The following GRIN2A variants were observed in gnomAD, a reference collection of about 807,000 sequenced individuals.
The protein encoded by GRIN2A is glutamate ionotropic receptor NMDA type subunit 2A.
In GRIN2A, 22 loss-of-function variants were observed where a neutral mutation model predicts 113.4. The observed-to-expected ratio is 0.19, with a 90% confidence interval of 0.14 to 0.28. The LOEUF (loss-of-function observed/expected upper bound fraction) is 0.28, where lower values mean the gene tolerates loss of function less well. Among genes scored for constraint, GRIN2A ranks in the 10% least tolerant of loss-of-function variants. The probability of loss-of-function intolerance (pLI) is 1.00; values close to 1 mark genes in which losing one functional copy is unlikely to be tolerated. For synonymous variants in GRIN2A, 827 were observed against 738.4 expected, an observed-to-expected ratio of 1.12 and a Z score of -1.94; for missense variants, 1,502 against 1,887.0, an observed-to-expected ratio of 0.80 and a Z score of 3.78.
At chr16:10,091,830 GAC>G (rs1238582581) in intron 2 of GRIN2A, among the ~76,000 whole-genome samples, 3 of 152,156 alleles carry the variant, frequency 2.0e-5, no homozygotes, top group African/African-American at 7.2e-5. Context: ...AATCTATAGA[GAC>G]AGAAAGTGGA....
At chr16:9,957,076 G>C (rs567662749) in intron 2 of GRIN2A, among the ~76,000 whole-genome samples, 37 of 152,126 alleles carry the variant, frequency 2.4e-4, no homozygotes, top group Admixed American at 2.4e-3. Flanking sequence ...CTGCTAATCA[G>C]AGAAAAGGTG....
intron 3 of GRIN2A, among the ~76,000 whole-genome samples, chr16:9,934,678 TAAAA>T (rs33916243): frequency 7.9e-5 from 4 of 50,938 alleles, no homozygotes; most frequent in Admixed American, 2.9e-4. Flanking sequence ...AGACTCTGTC[TAAAA>T]AAAAAAAAAA....
At chr16:10,075,119 A>C (rs1048518084) in intron 2 of GRIN2A, among the ~76,000 whole-genome samples, 1 of 152,096 alleles carries the variant, frequency 6.6e-6, no homozygotes, top group South Asian at 2.1e-4. Flanking sequence ...GGGACTTTGC[A>C]TGGGTCCTCT....
At position 9,986,953 on chromosome 16, in the gene GRIN2A, T is replaced by G. The variant is rs551267830; in HGVS notation, c.415-48402A>C. Among the ~76,000 whole-genome samples, 188 of 152,256 alleles carry G rather than the reference T, an allele frequency of 1.2e-3. 1 individual carries two copies. The highest frequency in any genetic ancestry group is 4.1e-3 in the African/African-American group (172 of 41,546). ...AAAATCACCCTAATGAGCTTTTCAG[T>G]GTGCATATACCCGAGTTTCCTTCCA... On this transcript the variant is annotated intron_variant, in intron 2 of 12. Coordinates refer to ENST00000330684, the MANE Select transcript of GRIN2A (RefSeq NM_001134407.3).
chr16:9,786,380 C>A (rs1031558608), intron 11 of GRIN2A, among the ~76,000 whole-genome samples: 1 of 152,150 alleles, frequency 6.6e-6, no homozygotes, highest in African/African-American at 2.4e-5. Flanking sequence ...TTAGGCTGGG[C>A]CTGCTCCCAC....
chr16:9,955,712 G>A (rs2045291148), intron 2 of GRIN2A, among the ~76,000 whole-genome samples: 1 of 152,186 alleles, frequency 6.6e-6, no homozygotes, highest in Non-Finnish European at 1.5e-5. Flanking sequence ...CACTGTAGAA[G>A]CCTAATTCCA....
At chr16:9,974,241 C>G (rs1447020195) in intron 2 of GRIN2A, among the ~76,000 whole-genome samples, 1 of 152,164 alleles carries the variant, frequency 6.6e-6, no homozygotes, top group Non-Finnish European at 1.5e-5. Flanking sequence ...GGCAGTTAGC[C>G]TGGTGCCTAG....
intron 2 of GRIN2A, among the ~76,000 whole-genome samples, chr16:10,086,657 A>G (rs985159452): frequency 7.9e-5 from 12 of 151,802 alleles, no homozygotes; most frequent in Non-Finnish European, 1.8e-4. Flanking sequence ...CTGGCTACAT[A>G]TCTACCTGGG....
intron 10 of GRIN2A, among the ~76,000 whole-genome samples, chr16:9,818,750 A>ACATTG (rs2141286589): frequency 6.6e-6 from 1 of 152,368 alleles, no homozygotes; most frequent in South Asian, 2.1e-4. Flanking sequence ...GATTAATTAC[A>ACATTG]CATTGTATTG....
chr16:9,997,278 C>G (rs1320323582), intron 2 of GRIN2A, among the ~76,000 whole-genome samples: 1 of 152,140 alleles, frequency 6.6e-6, no homozygotes, highest in Non-Finnish European at 1.5e-5. Flanking sequence ...TCTAAAAGCT[C>G]TCACCATTCA....
intron 4 of GRIN2A, among the ~76,000 whole-genome samples, chr16:9,886,097 G>T (rs561222180): frequency 6.6e-6 from 1 of 152,186 alleles, no homozygotes; most frequent in African/African-American, 2.4e-5. Context: ...AAATTCACAG[G>T]TGTGAGTCAA....
chr16:9,789,600 ATAAAT>A (rs1321817995), intron 11 of GRIN2A, among the ~76,000 whole-genome samples: 4 of 151,890 alleles, frequency 2.6e-5, no homozygotes, highest in African/African-American at 4.8e-5. Context: ...AAACACATAA[ATAAAT>A]TAAGGAGGAC....
rs139354505 is a variant in GRIN2A at position 9,886,127 on chromosome 16, A to G, written c.1122+4859T>C. Among the ~76,000 whole-genome samples, 1,170 of 152,334 alleles carry G rather than the reference A, an allele frequency of 7.7e-3. 15 individuals are homozygous for G. The highest frequency in any genetic ancestry group is 0.026 in the African/African-American group (1,088 of 41,562). ...AGTCAAGCCTGCTCCAGGACTGGTT[A>G]AAACCAACCAAAGGGAATGATTTGG... On this transcript the variant is annotated intron_variant, in intron 4 of 12. Coordinates refer to ENST00000330684, the MANE Select transcript of GRIN2A (RefSeq NM_001134407.3).
intron 2 of GRIN2A, among the ~76,000 whole-genome samples, chr16:9,978,685 A>C (rs1045597088): frequency 3.3e-5 from 5 of 152,190 alleles, no homozygotes; most frequent in African/African-American, 1.2e-4. Context: ...TTCCTCCAGA[A>C]GGATTTTTAT....
rs539191480 is a variant in GRIN2A at position 10,133,503 on chromosome 16, A to C, written c.414+46495T>G. Among the ~76,000 whole-genome samples the C allele has an allele frequency of 2.6e-5, 4 of 152,308 alleles. No homozygotes were observed. The East Asian group carries it at 7.7e-4, about 29-fold the overall frequency. On this transcript the variant is annotated intron_variant, in intron 2 of 12. Transcript: ENST00000330684. Reference sequence around the variant, plus strand: ...GCACCCATAATCCCAGCTACTCTGAAGGCTGAGGCACGAGAAGCGCTTGAA... The same window carrying C: ...GCACCCATAATCCCAGCTACTCTGACGGCTGAGGCACGAGAAGCGCTTGAA...
intron 2 of GRIN2A, among the ~76,000 whole-genome samples, chr16:10,055,277 T>C (rs2047437805): frequency 6.6e-6 from 1 of 151,756 alleles, no homozygotes; most frequent in Non-Finnish European, 1.5e-5. Context: ...GAAATGAGGG[T>C]GGCAGGCTTC....
intron 2 of GRIN2A, among the ~76,000 whole-genome samples, chr16:10,171,840 G>C (rs1001801977): frequency 1.3e-5 from 2 of 152,162 alleles, no homozygotes; most frequent in Non-Finnish European, 2.9e-5. Context: ...ACTCTACAAA[G>C]TGGATGCTAT....
At chr16:10,023,818 A>G (rs1249403966) in intron 2 of GRIN2A, among the ~76,000 whole-genome samples, 7 of 152,196 alleles carry the variant, frequency 4.6e-5, no homozygotes, top group African/African-American at 1.7e-4. Flanking sequence ...TAATCCCCCA[A>G]TAGCCCAGGG....
chr16:9,817,374 C>A (rs1417680833), intron 10 of GRIN2A, among the ~76,000 whole-genome samples: 2 of 152,150 alleles, frequency 1.3e-5, no homozygotes, highest in African/African-American at 4.8e-5. Flanking sequence ...AAGCCTTGTC[C>A]TGGGCCCAGG....
Sources: gnomAD v4.1 joint callset for allele counts (sites outside exome capture counted in the v4.1 genomes callset) on GRCh38, gnomAD v4.1.1 for gene constraint, MANE v1.5 for transcripts, NCBI Gene and HGNC (gene_info 2026-07-23, HGNC 2026-07-21) for gene names.